HSD17B4: variants seen among roughly 807,000 people sequenced by gnomAD.
The protein encoded by HSD17B4 is hydroxysteroid 17-beta dehydrogenase 4.
A neutral mutation model predicts 101.0 loss-of-function variants in HSD17B4; 70 were observed. The ratio of observed to expected loss-of-function variants is 0.69; its 90% CI spans 0.57 to 0.85. The LOEUF (loss-of-function observed/expected upper bound fraction) is 0.85, where lower values mean the gene tolerates loss of function less well. HSD17B4 is among the 40% of genes least tolerant of loss of function. The pLI is 0.00. For synonymous variants in HSD17B4, 347 were observed against 297.1 expected, an observed-to-expected ratio of 1.17 and a Z score of -1.73; for missense variants, 984 against 892.4, an observed-to-expected ratio of 1.10 and a Z score of -1.31.
intron 2 of HSD17B4, among the ~76,000 whole-genome samples, chr5:119,462,821 C>T (rs963798258): frequency 9.2e-5 from 14 of 152,198 alleles, no homozygotes; most frequent in East Asian, 3.9e-4. Flanking sequence ...GCATATCCAT[C>T]GCCTCAAACA....
At chr5:119,541,863 C>G in intron 23 of HSD17B4, 42 bp from the exon 24 acceptor site, 4 of 1,065,864 alleles carry the variant, frequency 3.8e-6, no homozygotes, top group Non-Finnish European at 5.8e-6. Context: ...TAAACTATAA[C>G]ATGGTAACAG....
intron 2 of HSD17B4, among the ~76,000 whole-genome samples, chr5:119,464,111 T>G (rs1755565374): frequency 6.6e-6 from 1 of 152,182 alleles, no homozygotes; most frequent in African/African-American, 2.4e-5. Flanking sequence ...GATGAATAGT[T>G]TGCAAATATT....
chr5:119,499,803 C>G (rs191852279), intron 13 of HSD17B4, among the ~76,000 whole-genome samples: 50 of 152,196 alleles, frequency 3.3e-4, no homozygotes, highest in Middle Eastern at 3.4e-3. Flanking sequence ...TAATGTTATT[C>G]TCTCTCTGCC....
chr5:119,503,739 G>A (rs1006486792), intron 14 of HSD17B4, among the ~76,000 whole-genome samples: 2 of 143,874 alleles, frequency 1.4e-5, no homozygotes, highest in Non-Finnish European at 3.0e-5. Context: ...TTTCTTTTCT[G>A]TCTGTTTTTT....
At chr5:119,532,002 G>A (rs982344038) in intron 22 of HSD17B4, among the ~76,000 whole-genome samples, 3 of 152,122 alleles carry the variant, frequency 2.0e-5, no homozygotes, top group African/African-American at 7.2e-5. Flanking sequence ...TGATGTGGAG[G>A]TCCAAAGAGA....
chr5:119,530,250 A>G (rs577661398), intron 21 of HSD17B4: 14 of 428,664 alleles, frequency 3.3e-5, no homozygotes, highest in Middle Eastern at 6.6e-4. Flanking sequence ...CAGTTGTTTA[A>G]TCAGAATCTT....
At chr5:119,461,439 G>A (rs1412541903) in intron 2 of HSD17B4, among the ~76,000 whole-genome samples, 5 of 152,202 alleles carry the variant, frequency 3.3e-5, no homozygotes, top group African/African-American at 1.2e-4. Flanking sequence ...AATAACCAAT[G>A]TTGTGAGAAT....
chr5:119,542,264 C>T lies in HSD17B4; in HGVS notation c.*270C>T. Reference sequence around the variant, plus strand: ...AAAAAATTTTGCCCAAGTCCTGTTTCCTTAGAATTTGTGATAGCATTGATA... The same window carrying T: ...AAAAAATTTTGCCCAAGTCCTGTTTTCTTAGAATTTGTGATAGCATTGATA... On this transcript the variant is annotated 3_prime_UTR_variant, in exon 24 of 24. Coordinates refer to ENST00000510025, the MANE Select transcript of HSD17B4 (RefSeq NM_000414.4). 3.5e-6 allele frequency: 1 copy of T among 285,726 alleles called. No homozygotes were observed. The allele number at this position is 285,726 out of a possible 1,614,324, so 17.7% of individuals were successfully genotyped here. A position where few individuals can be genotyped will look rare whatever the true frequency, so the allele number is the denominator to read the frequency against.
chr5:119,517,168 G>A (rs1471687881), intron 17 of HSD17B4, among the ~76,000 whole-genome samples: 3 of 152,240 alleles, frequency 2.0e-5, no homozygotes, highest in Admixed American at 2.0e-4. Flanking sequence ...AGTTCTGGGT[G>A]GGCGTGGGCT....
In HSD17B4 at chr5:119,452,679, C is replaced by T. The variant is rs539178335; in HGVS notation, c.58+46C>T. ...GGCCGCGCCCCTTGCTGAGGCGCAG[C>T]TGGCTGCTCTTTTCGGGCCGGCATA... is the stretch of plus-strand genomic sequence containing the variant. On this transcript the variant is annotated intron_variant, in intron 1 of 23. Coordinates refer to ENST00000510025, the MANE Select transcript of HSD17B4 (RefSeq NM_000414.4). 3.0e-5 allele frequency: 49 copies of T among 1,612,184 alleles called. No homozygotes were observed. In the South Asian group the frequency reaches 5.3e-4, roughly 17 times the overall value.
intron 8 of HSD17B4, among the ~76,000 whole-genome samples, chr5:119,483,044 T>C (rs1437317237): frequency 6.6e-6 from 1 of 152,114 alleles, no homozygotes; most frequent in Non-Finnish European, 1.5e-5. Context: ...TAGAACAGAA[T>C]ACTCTGGGCA....
intron 9 of HSD17B4, among the ~76,000 whole-genome samples, chr5:119,491,299 A>G (rs944297752): frequency 2.6e-5 from 4 of 152,180 alleles, no homozygotes; most frequent in African/African-American, 9.7e-5. Context: ...ATAGAGGCAA[A>G]GGATGATGAA....
intron 13 of HSD17B4, among the ~76,000 whole-genome samples, chr5:119,501,812 A>G (rs1561465743): frequency 6.6e-6 from 1 of 152,160 alleles, no homozygotes; most frequent in Non-Finnish European, 1.5e-5. Context: ...GAACGCCAAG[A>G]AAGAACACAA....
At chr5:119,471,160 A>G (rs985825072) in intron 2 of HSD17B4, among the ~76,000 whole-genome samples, 6 of 152,190 alleles carry the variant, frequency 3.9e-5, no homozygotes, top group African/African-American at 1.4e-4. Context: ...CTGTCTTAAA[A>G]TCTTGATTTT....
intron 17 of HSD17B4, among the ~76,000 whole-genome samples, chr5:119,520,332 G>A (rs537209785): frequency 6.6e-6 from 1 of 151,984 alleles, no homozygotes; most frequent in South Asian, 2.1e-4. Context: ...GGGGTGCTTC[G>A]AATCTTCCCT....
intron 8 of HSD17B4, among the ~76,000 whole-genome samples, chr5:119,482,616 G>A (rs1442780134): frequency 6.6e-6 from 1 of 152,058 alleles, no homozygotes; most frequent in Admixed American, 6.6e-5. Flanking sequence ...TAGGAGTTAG[G>A]CCGTGTTTAT....
intron 7 of HSD17B4, chr5:119,478,251 T>TG (rs1248035038): frequency 6.5e-6 from 1 of 154,820 alleles, no homozygotes; most frequent in Non-Finnish European, 1.4e-5. Context: ...TGTCCTCTGT[T>TG]GCACTCTAGT....
At chr5:119,456,530 A>G in intron 2 of HSD17B4, 162 bp downstream of exon 2, 1 of 629,258 alleles carries the variant, frequency 1.6e-6, no homozygotes, top group East Asian at 2.8e-5. Context: ...CTGTCTGTCT[A>G]AATTACTTTT....
intron 17 of HSD17B4, among the ~76,000 whole-genome samples, chr5:119,519,320 T>C (rs1561480731): frequency 6.6e-6 from 1 of 152,270 alleles, no homozygotes; most frequent in African/African-American, 2.4e-5. Context: ...TTTCCCCAGA[T>C]ACATATCTTA....
Sources: gnomAD v4.1 joint callset for allele counts (sites outside exome capture counted in the v4.1 genomes callset) on GRCh38, gnomAD v4.1.1 for gene constraint, MANE v1.5 for transcripts, NCBI Gene and HGNC (gene_info 2026-07-23, HGNC 2026-07-21) for gene names.